The following GSDME variants were observed in gnomAD, a reference collection of about 807,000 sequenced individuals.
GSDME encodes the protein gasdermin-E.
GSDME carries 44 observed loss-of-function variants against 47.5 expected under a neutral mutation model. The ratio of observed to expected loss-of-function variants is 0.93; its 90% CI spans 0.73 to 1.19. GSDME has a LOEUF of 1.19. Ranked by LOEUF, GSDME falls within the 50% of genes most tolerant of loss-of-function variation. The probability of loss-of-function intolerance (pLI) is 0.00; values close to 1 mark genes in which losing one functional copy is unlikely to be tolerated. For synonymous variants in GSDME, 258 were observed against 252.8 expected (o/e 1.02, Z -0.20); for missense variants, 663 against 604.2 (o/e 1.10, Z -1.02).
chr7:24,700,840 T>G (rs1172606476), intron 9 of GSDME, among the ~76,000 whole-genome samples: 3 of 152,220 alleles, frequency 2.0e-5, no homozygotes, highest in African/African-American at 7.2e-5. Context: ...GTCAACAGCA[T>G]GGCAGGCTCC....
chr7:24,710,453 A>G, intron 5 of GSDME, 65 bp from the exon 6 acceptor site: 1 of 1,545,190 alleles, frequency 6.5e-7, no homozygotes, highest in South Asian at 1.1e-5. Context: ...ACAAGTCTGG[A>G]CAGGGTCAGC....
rs1409243958 is a variant in GSDME at position 24,744,961 on chromosome 7, GCA to G, written c.212-209_212-208del. Among the ~76,000 whole-genome samples the G allele has an allele frequency of 2.9e-5, 4 of 135,976 alleles. No individual in the cohort carries two copies. The East Asian group carries it at 8.1e-4, about 27-fold the overall frequency. The allele number at this position is 135,976 out of a possible 152,430, so 89.2% of individuals were successfully genotyped here. ...GTGTGTGTGTGTGTGTGGACCGCGG[GCA>G]CACAGTGGACCAGTGCAGCACGTGT... On this transcript the variant is annotated intron_variant, in intron 2 of 9. Transcript: ENST00000645220. The surrounding 1 kb of genome is among the most constrained non-coding windows in gnomAD (Gnocchi z 4.5).
chr7:24,712,704 G>T lies in GSDME; in HGVS notation c.698-2316C>A, dbSNP rs569615314. 6.6e-6 allele frequency among the ~76,000 whole-genome samples: 1 copy of T among 152,274 alleles called. No homozygotes were observed. The highest frequency in any genetic ancestry group is 6.5e-5 in the Admixed American group (1 of 15,290). On this transcript the variant is annotated intron_variant, in intron 5 of 9. Coordinates refer to ENST00000645220, the MANE Select transcript of GSDME (RefSeq NM_001127453.2). The surrounding 1 kb of genome is among the most constrained non-coding windows in gnomAD (Gnocchi z 4.4). Reference sequence around the variant, plus strand: ...CTGCTCATCCTAGGTTCATGGCTGAGGCCCCTATCACAACAGACAGATTAA... The same window carrying T: ...CTGCTCATCCTAGGTTCATGGCTGATGCCCCTATCACAACAGACAGATTAA...
chr7:24,702,894 G>T, intron 8 of GSDME, 61 bp from the exon 9 acceptor site: 3 of 1,393,218 alleles, frequency 2.2e-6, no homozygotes, highest in Non-Finnish European at 3.0e-6. Flanking sequence ...AACAGAGCCA[G>T]CCCCTGGATG....
At chr7:24,734,581 C>T (rs1294323665) in intron 3 of GSDME, among the ~76,000 whole-genome samples, 1 of 152,292 alleles carries the variant, frequency 6.6e-6, no homozygotes, top group East Asian at 1.9e-4. Flanking sequence ...CCTTCAGATA[C>T]ATTTAACAGA....
At chr7:24,738,107 G>A (rs1486779595) in intron 3 of GSDME, among the ~76,000 whole-genome samples, 1 of 152,138 alleles carries the variant, frequency 6.6e-6, no homozygotes, top group African/African-American at 2.4e-5. Context: ...ATTCACCATA[G>A]TACTCGAAGT....
chr7:24,710,198 C>G, intron 6 of GSDME, 26 bp downstream of exon 6: 1 of 1,612,058 alleles, frequency 6.2e-7, no homozygotes, highest in Non-Finnish European at 8.5e-7. Flanking sequence ...CTCAACTGCC[C>G]ACTACTCCTG....
chr7:24,789,471 A>G, the GSDME span, among the ~76,000 whole-genome samples: 1 of 152,246 alleles, frequency 6.6e-6, no homozygotes, highest in South Asian at 2.1e-4. Flanking sequence ...TGATCAATTA[A>G]GCAAGCAAGG....
intron 5 of GSDME, among the ~76,000 whole-genome samples, chr7:24,711,827 A>AC (rs1261926028): frequency 6.6e-6 from 1 of 151,884 alleles, no homozygotes; most frequent in East Asian, 1.9e-4. Flanking sequence ...AAAAAAAAAA[A>AC]AAAAAAGGCA....
chr7:24,795,501 G>C, the GSDME span, among the ~76,000 whole-genome samples: 7 of 152,164 alleles, frequency 4.6e-5, no homozygotes, highest in African/African-American at 1.4e-4. Flanking sequence ...GTCTGCGTGA[G>C]AGGGTTGTGA....
At chr7:24,708,028 A>G (rs562283153) in intron 7 of GSDME, 99 bp downstream of exon 7, 1 of 1,475,452 alleles carries the variant, frequency 6.8e-7, no homozygotes, top group African/African-American at 1.4e-5. Flanking sequence ...GTAGGGAGAA[A>G]AGGAGGCGGG....
At chr7:24,761,483 T>C (rs1449912712), upstream of GSDME, among the ~76,000 whole-genome samples, 1 of 152,200 alleles carries the variant, frequency 6.6e-6, no homozygotes, top group Non-Finnish European at 1.5e-5. This position sits in a 1 kb window ranked among gnomAD's most constrained non-coding sequence, Gnocchi z 4.4. Flanking sequence ...CTAAGTCTCT[T>C]ATAAGGGCAC....
At chr7:24,718,161 C>T (rs559842777) in intron 4 of GSDME, among the ~76,000 whole-genome samples, 25 of 152,354 alleles carry the variant, frequency 1.6e-4, no homozygotes, top group African/African-American at 5.0e-4. Flanking sequence ...CTCCCATCGG[C>T]GCCTCCCTCG....
intron 1 of GSDME, among the ~76,000 whole-genome samples, chr7:24,753,915 C>G (rs1439310487): frequency 6.6e-6 from 1 of 152,182 alleles, no homozygotes; most frequent in Non-Finnish European, 1.5e-5. Flanking sequence ...CACCATCATT[C>G]TCAAACACAT....
At chr7:24,743,842 GC>G (rs1166661007) in intron 3 of GSDME, among the ~76,000 whole-genome samples, 2 of 152,112 alleles carry the variant, frequency 1.3e-5, no homozygotes, top group African/African-American at 4.8e-5. Context: ...GCACATCCTA[GC>G]CCCTCTCACT....
rs1260784018 is a variant in GSDME at position 24,733,494 on chromosome 7, G to A, written c.404+11068C>T. On this transcript the variant is annotated intron_variant, in intron 3 of 9. Transcript: ENST00000645220. The surrounding 1 kb of genome is among the most constrained non-coding windows in gnomAD (Gnocchi z 4.3). ...AAGCCCTTCAAGTCTCTGATTCCAG[G>A]TTGTGGCTCTTGGATGGCATTTCTG... Among the ~76,000 whole-genome samples, 1 of 152,158 alleles carries A rather than the reference G, an allele frequency of 6.6e-6. No homozygotes were observed. Among genetic ancestry groups the A allele is most frequent in the Non-Finnish European group, 1.5e-5 (1 of 68,032 alleles).
the GSDME span, among the ~76,000 whole-genome samples, chr7:24,770,165 A>G: frequency 3.9e-5 from 6 of 152,220 alleles, no homozygotes; most frequent in African/African-American, 1.2e-4. This position sits in a 1 kb window ranked among gnomAD's most constrained non-coding sequence, Gnocchi z 4.6. Flanking sequence ...TCAATCACCA[A>G]TGGCTGACGA....
rs916089635 is a variant in GSDME at position 24,699,011 on chromosome 7, A to G, written c.*15T>C. On this transcript the variant is annotated 3_prime_UTR_variant, in exon 10 of 10. Transcript: ENST00000645220. ...GCCTTGGCCAGTAACACGTACTTCT[A>G]GTTCACATATGACATCATGAATGTT... 5 of 1,561,294 alleles carry G rather than the reference A, an allele frequency of 3.2e-6. No homozygotes were observed. The highest frequency in any genetic ancestry group is 4.5e-5 in the East Asian group (2 of 44,508).
At chr7:24,764,101 G>A in the GSDME span, among the ~76,000 whole-genome samples, 161 of 152,306 alleles carry the variant, frequency 1.1e-3, no homozygotes, top group African/African-American at 3.8e-3. This position sits in a 1 kb window ranked among gnomAD's most constrained non-coding sequence, Gnocchi z 4.4. Context: ...TCTTAGCTGA[G>A]TTATAATTGG....
Sources: gnomAD v4.1 joint callset for allele counts (sites outside exome capture counted in the v4.1 genomes callset) on GRCh38, gnomAD v4.1.1 for gene constraint, Gnocchi (gnomAD v3.1) non-coding constraint, MANE v1.5 for transcripts, NCBI Gene and HGNC (gene_info 2026-07-23, HGNC 2026-07-21) for gene names.